The following VRK1 variants were observed in gnomAD, a reference collection of about 807,000 sequenced individuals.
VRK1 encodes serine/threonine-protein kinase VRK1.
Under a neutral mutation model 57.1 loss-of-function variants are expected in VRK1, and 33 were observed. The ratio of observed to expected loss-of-function variants is 0.58; its 90% CI spans 0.44 to 0.77. The LOEUF is 0.77. Among genes scored for constraint, VRK1 ranks in the 30% least tolerant of loss-of-function variants. The pLI is 0.00. For missense variants in VRK1, 413 were observed against 477.3 expected (o/e 0.87, Z 1.25); for synonymous variants, 137 against 147.8 (o/e 0.93, Z 0.53).
intron 3 of VRK1, among the ~76,000 whole-genome samples, chr14:96,841,276 AACTTT>A (rs1433981399): frequency 2.0e-5 from 3 of 152,192 alleles, no homozygotes; most frequent in East Asian, 3.9e-4. Flanking sequence ...TAGTCAATGT[AACTTT>A]ACTTTTACTG....
At chr14:96,817,006 T>C (rs1886419448) in intron 1 of VRK1, among the ~76,000 whole-genome samples, 1 of 152,244 alleles carries the variant, frequency 6.6e-6, no homozygotes, top group Non-Finnish European at 1.5e-5. Flanking sequence ...CTGTTAAAAG[T>C]ATTTACATAT....
chr14:96,873,396 A>G (rs573650788), intron 11 of VRK1, among the ~76,000 whole-genome samples: 87 of 152,332 alleles, frequency 5.7e-4, no homozygotes, highest in African/African-American at 1.9e-3. Flanking sequence ...GAACACTTCA[A>G]AAATATAATG....
At chr14:96,857,845 A>G (rs1299272739) in intron 10 of VRK1, among the ~76,000 whole-genome samples, 1 of 152,166 alleles carries the variant, frequency 6.6e-6, no homozygotes, top group Non-Finnish European at 1.5e-5. Flanking sequence ...CCTCATAGCA[A>G]TCAGTAGCCT....
At chr14:96,815,638 C>G (rs1175758718) in intron 1 of VRK1, among the ~76,000 whole-genome samples, 1 of 151,926 alleles carries the variant, frequency 6.6e-6, no homozygotes, top group African/African-American at 2.4e-5. Context: ...AATCCCAACA[C>G]TTTGGAAGGC....
Position 96,847,361 on chromosome 14 carries a change from T to G in VRK1, c.374+17T>G. On this transcript the variant is annotated intron_variant, in intron 5 of 12. Coordinates refer to ENST00000216639, the MANE Select transcript of VRK1 (RefSeq NM_003384.3). Reference sequence around the variant, plus strand: ...TGGAAAAAGGTAAAAATATGTGTGATTTGTCTTTCTCCTTCCCTTTTGCAA... The same window carrying G: ...TGGAAAAAGGTAAAAATATGTGTGAGTTGTCTTTCTCCTTCCCTTTTGCAA... 6.3e-7 allele frequency: 1 copy of G among 1,597,696 alleles called. No homozygotes were observed. The highest frequency in any genetic ancestry group is 1.1e-5 in the South Asian group (1 of 90,718).
At chr14:96,876,263 G>T (rs553976577) in intron 12 of VRK1, 143 bp downstream of exon 12, 4 of 761,976 alleles carry the variant, frequency 5.2e-6, no homozygotes, top group Non-Finnish European at 9.3e-6. Context: ...AGTATGTATT[G>T]TGTCTTTTGT....
intron 11 of VRK1, 92 bp downstream of exon 11, chr14:96,860,827 A>G: frequency 7.2e-7 from 1 of 1,388,824 alleles, no homozygotes; most frequent in East Asian, 2.5e-5. Flanking sequence ...TCAATGAAGA[A>G]CAATAACAGA....
chr14:96,815,720 T>TAA (rs546026263), intron 1 of VRK1, among the ~76,000 whole-genome samples: 2 of 141,712 alleles, frequency 1.4e-5, no homozygotes, highest in African/African-American at 5.2e-5. Context: ...CTCACTCTAC[T>TAA]AAAAAAAAAA....
At chr14:96,814,276 C>T (rs1886311088) in intron 1 of VRK1, among the ~76,000 whole-genome samples, 1 of 152,078 alleles carries the variant, frequency 6.6e-6, no homozygotes, top group South Asian at 2.1e-4. Flanking sequence ...TCTTTATCTT[C>T]AAAACATGAA....
intron 1 of VRK1, among the ~76,000 whole-genome samples, chr14:96,798,625 G>C (rs1885536845): frequency 6.6e-6 from 1 of 151,854 alleles, no homozygotes; most frequent in African/African-American, 2.4e-5. Flanking sequence ...TGAAATTCAA[G>C]AGTAAAAAAA....
At chr14:96,876,156 G>T (rs1889024083) in intron 12 of VRK1, 36 bp downstream of exon 12, 1 of 1,603,740 alleles carries the variant, frequency 6.2e-7, no homozygotes, top group Admixed American at 1.7e-5. Flanking sequence ...GCTTTCATAG[G>T]TAAACACAAA....
chr14:96,802,064 T>G (rs1019328140), intron 1 of VRK1, among the ~76,000 whole-genome samples: 1 of 152,222 alleles, frequency 6.6e-6, no homozygotes, highest in African/African-American at 2.4e-5. Context: ...TAAGTTCAGG[T>G]TATAACATTT....
At chr14:96,846,420 G>T (rs1887695339) in intron 4 of VRK1, among the ~76,000 whole-genome samples, 1 of 152,074 alleles carries the variant, frequency 6.6e-6, no homozygotes, top group Non-Finnish European at 1.5e-5. Context: ...GTTAAACATT[G>T]AGAATTATTG....
intron 5 of VRK1, among the ~76,000 whole-genome samples, chr14:96,848,837 A>G (rs1293277114): frequency 6.6e-6 from 1 of 152,178 alleles, no homozygotes; most frequent in Non-Finnish European, 1.5e-5. Flanking sequence ...TATATGTAAA[A>G]CATAGATGTT....
intron 1 of VRK1, among the ~76,000 whole-genome samples, chr14:96,801,198 T>G (rs1251544617): frequency 6.6e-6 from 1 of 152,242 alleles, no homozygotes; most frequent in Non-Finnish European, 1.5e-5. Flanking sequence ...TTGCATTATC[T>G]AATTGTCATT....
At position 96,820,523 on chromosome 14, in the gene VRK1, T is replaced by C. The variant is rs901782877; in HGVS notation, c.-5-12944T>C. 8.5e-5 allele frequency among the ~76,000 whole-genome samples: 13 copies of C among 152,342 alleles called. 1 individual carries two copies. The highest frequency in any genetic ancestry group is 3.1e-4 in the African/African-American group (13 of 41,576). ...AGCAGTTCCTGGGCCAAATGCGTTG[T>C]TGATGTTGTGAGTTGTCTCTGCTGC... On this transcript the variant is annotated intron_variant, in intron 1 of 12. Transcript: ENST00000216639.
In VRK1 at chr14:96,850,317, C is replaced by T. The variant is rs550542484; in HGVS notation, c.375-2514C>T. On this transcript the variant is annotated intron_variant, in intron 5 of 12. Coordinates refer to ENST00000216639, the MANE Select transcript of VRK1 (RefSeq NM_003384.3). Reference sequence around the variant, plus strand: ...GTAGGGCTTAGAGCAATGTTAGCTGCTACCATTATTAAATTATTTTACACT... The same window carrying T: ...GTAGGGCTTAGAGCAATGTTAGCTGTTACCATTATTAAATTATTTTACACT... 2.6e-5 allele frequency among the ~76,000 whole-genome samples: 4 copies of T among 152,292 alleles called. No individual in the cohort carries two copies. The East Asian group carries it at 5.8e-4, about 22-fold the overall frequency.
At chr14:96,836,709 G>A (rs1181571928) in intron 2 of VRK1, among the ~76,000 whole-genome samples, 1 of 151,812 alleles carries the variant, frequency 6.6e-6, no homozygotes, top group African/African-American at 2.4e-5. Flanking sequence ...TGTATTTTAA[G>A]TAAAGACGGG....
chr14:96,868,289 T>C (rs746057062), intron 11 of VRK1, among the ~76,000 whole-genome samples: 2 of 152,156 alleles, frequency 1.3e-5, no homozygotes, highest in Non-Finnish European at 2.9e-5. Flanking sequence ...TTGCATATTA[T>C]AATAAATTCA....
Sources: allele counts gnomAD v4.1 joint callset (sites outside exome capture counted in the v4.1 genomes callset), GRCh38; gene constraint gnomAD v4.1.1; transcripts MANE v1.5; gene names NCBI Gene and HGNC (gene_info 2026-07-23, HGNC 2026-07-21).